Variants in SHTN1 observed in about 807,000 individuals in gnomAD.
The protein encoded by SHTN1 is shootin-1.
Under a neutral mutation model 83.1 loss-of-function variants are expected in SHTN1, and 42 were observed. The observed-to-expected ratio is 0.51, with a 90% CI of 0.39 to 0.65. The LOEUF (loss-of-function observed/expected upper bound fraction) is 0.65, where lower values mean the gene tolerates loss of function less well. Ranked by LOEUF, SHTN1 falls within the 30% of genes least tolerant of loss-of-function variation. The pLI, the probability that SHTN1 is intolerant of heterozygous loss-of-function variation, is 0.00. For synonymous variants in SHTN1, 224 were observed against 247.7 expected (o/e 0.90, Z 0.90); for missense variants, 622 against 737.8 (o/e 0.84, Z 1.82).
chr10:117,099,730 T>A (rs554565137), intron 1 of SHTN1, among the ~76,000 whole-genome samples: 1 of 152,196 alleles, frequency 6.6e-6, no homozygotes, highest in Non-Finnish European at 1.5e-5. Flanking sequence ...TGAATACTTG[T>A]TGAATTAAAC....
chr10:116,935,610 A>G (rs551335772), intron 9 of SHTN1, among the ~76,000 whole-genome samples: 2 of 152,310 alleles, frequency 1.3e-5, no homozygotes, highest in East Asian at 3.9e-4. Context: ...CATCAGGGGT[A>G]TTAGCCTGAA....
At chr10:116,901,286 T>G in intron 16 of SHTN1, 1 of 985,356 alleles carries the variant, frequency 1.0e-6, no homozygotes, top group Non-Finnish European at 1.2e-6. Context: ...CAGATAACTC[T>G]TTACATAGTA....
At chr10:116,902,644 T>G (rs559948269) in intron 15 of SHTN1, among the ~76,000 whole-genome samples, 54 of 152,316 alleles carry the variant, frequency 3.5e-4, no homozygotes, top group Non-Finnish European at 5.3e-4. Flanking sequence ...GTCCCTAATT[T>G]TAGGTGGAAA....
At position 117,097,024 on chromosome 10, in the gene SHTN1, CACATAG is replaced by C. The variant is rs1296352937; in HGVS notation, c.-189+29277_-189+29282del. On this transcript the variant is annotated intron_variant, in intron 1 of 17. Transcript: ENST00000392901. ...GCGCGCACGCGCGCGCACACACACACACATAGACACACACACACACACACACACACA... is the reference window on the plus strand; with the variant it reads ...GCGCGCACGCGCGCGCACACACACACACACACACACACACACACACACACA... 2.9e-4 allele frequency among the ~76,000 whole-genome samples: 35 copies of C among 121,442 alleles called. No homozygotes were observed. In the Admixed American group the frequency reaches 3.0e-3, roughly 10 times the overall value. The allele number at this position is 121,442 out of a possible 152,430, so 79.7% of individuals were successfully genotyped here. A position where few individuals can be genotyped will look rare whatever the true frequency, so the allele number is the denominator to read the frequency against.
chr10:116,921,479 T>C lies in SHTN1; in HGVS notation c.1150A>G (p.Ser384Gly), dbSNP rs1564877499. The C allele has an allele frequency of 1.2e-6, 2 of 1,613,868 alleles. No homozygotes were observed. The highest frequency in any genetic ancestry group is 2.2e-5 in the East Asian group (1 of 44,862). The change falls in exon 12 of 17, where the codon AGT becomes GGT. Residue 384 changes from serine to glycine, a missense_variant. Ser to Gly is a moderately conservative substitution (Grantham distance 56, BLOSUM62 0). Around this residue, in one of 3 missense-constraint regions of SHTN1, gnomAD observed 383 missense variants for 455.8 expected, o/e 0.84. Coordinates refer to ENST00000355371, the MANE Select transcript of SHTN1 (RefSeq NM_001127211.3). The part of the protein sequence containing the change: ...MSMIRKRSHP[S>G]GSGAKKEKAT... ...TTTTCTTTCTTAGCACCACTGCCACTGGGGTGGGATCGTTTCCGGATCATG... is the reference window on the plus strand; with the variant it reads ...TTTTCTTTCTTAGCACCACTGCCACCGGGGTGGGATCGTTTCCGGATCATG...
chr10:117,040,219 G>A (rs1416491357), intron 2 of SHTN1, among the ~76,000 whole-genome samples: 1 of 152,072 alleles, frequency 6.6e-6, no homozygotes, highest in Non-Finnish European at 1.5e-5. Flanking sequence ...AGGACTTAGG[G>A]TAGCCAAGAC....
At chr10:116,937,783 T>C (rs1367874376) in intron 9 of SHTN1, among the ~76,000 whole-genome samples, 1 of 152,144 alleles carries the variant, frequency 6.6e-6, no homozygotes, top group Non-Finnish European at 1.5e-5. Flanking sequence ...ATTCTCCCTA[T>C]CACTTTCCAG....
At chr10:117,010,513 A>AAC (rs1852088418), upstream of SHTN1, among the ~76,000 whole-genome samples, 1 of 152,246 alleles carries the variant, frequency 6.6e-6, no homozygotes, top group African/African-American at 2.4e-5. Context: ...TTAAAGAATT[A>AAC]ACACCAGTCT....
intron 8 of SHTN1, among the ~76,000 whole-genome samples, chr10:116,943,977 G>A (rs761036403): frequency 4.6e-5 from 7 of 152,090 alleles, no homozygotes; most frequent in Non-Finnish European, 5.9e-5. Context: ...CAGGTAAGCC[G>A]GAACAAGAGA....
At position 116,972,927 on chromosome 10, in the gene SHTN1, C is replaced by G. The variant is rs1312449047; in HGVS notation, c.112-4215G>C. ...AAGCCCTTAATATTAGAAGCCCTGG[C>G]TATTTTCCATATCTCTTCCTTGAGC... On this transcript the variant is annotated intron_variant, in intron 2 of 16. Coordinates refer to ENST00000355371, the MANE Select transcript of SHTN1 (RefSeq NM_001127211.3). 3.3e-5 allele frequency among the ~76,000 whole-genome samples: 5 copies of G among 152,296 alleles called. No individual in the cohort carries two copies. The East Asian group carries it at 7.7e-4, about 24-fold the overall frequency.
At position 116,979,338 on chromosome 10, in the gene SHTN1, A is replaced by C. The variant is rs776714299; in HGVS notation, c.59-30T>G. Reference sequence around the variant, plus strand: ...AAGAAAAAAGGAAAGCAACATTACAACACTGTCAAAAGTTTACTGCAGGGC... The same window carrying C: ...AAGAAAAAAGGAAAGCAACATTACACCACTGTCAAAAGTTTACTGCAGGGC... On this transcript the variant is annotated intron_variant, in intron 1 of 16. Transcript: ENST00000355371. 6 of 1,599,958 alleles carry C rather than the reference A, an allele frequency of 3.8e-6. No homozygotes were observed. The Admixed American group carries it at 1.0e-4, about 27-fold the overall frequency.
At chr10:117,109,612 T>C (rs2133637697) in intron 1 of SHTN1, among the ~76,000 whole-genome samples, 1 of 113,696 alleles carries the variant, frequency 8.8e-6, no homozygotes. Context: ...TCACCCAGGC[T>C]GGAGTGCAAT....
intron 1 of SHTN1, among the ~76,000 whole-genome samples, chr10:117,109,673 T>C (rs981398047): frequency 1.4e-5 from 2 of 139,272 alleles, no homozygotes; most frequent in Non-Finnish European, 3.0e-5. Flanking sequence ...CAAGCAATTA[T>C]CCTGTCTCAG....
At chr10:117,092,524 G>A (rs1853445727) in intron 1 of SHTN1, among the ~76,000 whole-genome samples, 1 of 152,152 alleles carries the variant, frequency 6.6e-6, no homozygotes, top group Non-Finnish European at 1.5e-5. Context: ...TATCCCCTTT[G>A]GGGACAAATT....
In SHTN1 at chr10:117,066,065, T is replaced by TA. The variant is rs1178355575; in HGVS notation, c.-188-17556dup. The stretch of plus-strand genomic sequence containing the variant: ...GGGCAACATATCAAGACCCTACCTC[T>TA]AAAAAAAGAAAAGAAAAGGAAAAGA... On this transcript the variant is annotated intron_variant, in intron 1 of 17. Transcript: ENST00000392901. 1.3e-4 allele frequency among the ~76,000 whole-genome samples: 19 copies of TA among 151,650 alleles called. No individual in the cohort carries two copies. In the East Asian group the frequency reaches 2.9e-3, roughly 23 times the overall value.
intron 2 of SHTN1, among the ~76,000 whole-genome samples, chr10:117,026,775 G>A (rs188367487): frequency 6.6e-4 from 100 of 152,324 alleles, no homozygotes; most frequent in African/African-American, 2.2e-3. Context: ...CTCCCAGATG[G>A]CATCTCTGGG....
chr10:117,099,029 C>CACACACACACAA (rs71013640), intron 1 of SHTN1, among the ~76,000 whole-genome samples: 1 of 149,594 alleles, frequency 6.7e-6, no homozygotes, highest in Non-Finnish European at 1.5e-5. Flanking sequence ...CACACACACA[C>CACACACACACAA]ACACACACAC....
At chr10:117,061,660 G>A (rs1452618083) in intron 1 of SHTN1, among the ~76,000 whole-genome samples, 2 of 148,208 alleles carry the variant, frequency 1.3e-5, no homozygotes, top group Admixed American at 6.7e-5. Flanking sequence ...TAGTAGAGAC[G>A]GGGTTTCTCT....
At chr10:116,968,751 A>T in intron 2 of SHTN1, 39 bp from the exon 3 acceptor site, 1 of 1,534,764 alleles carries the variant, frequency 6.5e-7, no homozygotes, top group Non-Finnish European at 9.0e-7. Context: ...AACTTCAATC[A>T]TAAATTTTAA....
Sources: allele counts gnomAD v4.1 joint callset (sites outside exome capture counted in the v4.1 genomes callset), GRCh38; gene constraint gnomAD v4.1.1; regional missense constraint gnomAD v4.1.1; transcripts MANE v1.5; gene names NCBI Gene and HGNC (gene_info 2026-07-23, HGNC 2026-07-21).